Variants in GOLGA5 observed in about 807,000 individuals in gnomAD.
GOLGA5 encodes the protein golgin A5, also known as golgin subfamily A member 5.
GOLGA5 carries 50 observed loss-of-function variants against 93.5 expected under a neutral mutation model. The observed-to-expected ratio is 0.53, with a 90% CI of 0.43 to 0.68. The LOEUF is 0.68. Among genes scored for constraint, GOLGA5 ranks in the 30% least tolerant of loss-of-function variants. The probability of loss-of-function intolerance (pLI) is 0.00; values close to 1 mark genes in which losing one functional copy is unlikely to be tolerated. For synonymous variants in GOLGA5, 312 were observed against 304.5 expected (o/e 1.02, Z -0.26); for missense variants, 760 against 856.4 (o/e 0.89, Z 1.40).
chr14:92,817,763 C>G (rs537234049), intron 7 of GOLGA5, among the ~76,000 whole-genome samples: 1 of 152,288 alleles, frequency 6.6e-6, no homozygotes, highest in African/African-American at 2.4e-5. Context: ...TTGTCTAGAG[C>G]ATAGACTTGA....
chr14:92,801,420 A>G (rs920186320), intron 2 of GOLGA5, among the ~76,000 whole-genome samples: 2 of 152,184 alleles, frequency 1.3e-5, no homozygotes, highest in African/African-American at 2.4e-5. Context: ...ATATTTGACT[A>G]TTGAACTTTC....
intron 11 of GOLGA5, among the ~76,000 whole-genome samples, chr14:92,837,086 T>G (rs929273870): frequency 6.6e-6 from 1 of 151,120 alleles, no homozygotes; most frequent in Non-Finnish European, 1.5e-5. Flanking sequence ...AAAAAAAAAA[T>G]TAGGGATCAA....
intron 9 of GOLGA5, among the ~76,000 whole-genome samples, chr14:92,826,115 G>T (rs1367755045): frequency 2.6e-5 from 4 of 152,084 alleles, no homozygotes; most frequent in Non-Finnish European, 5.9e-5. Context: ...TGATCACCCC[G>T]CTGTACTCTA....
chr14:92,796,344 A>G (rs1261341442), intron 1 of GOLGA5, among the ~76,000 whole-genome samples: 1 of 152,188 alleles, frequency 6.6e-6, no homozygotes, highest in African/African-American at 2.4e-5. Flanking sequence ...TGGCTGGGCC[A>G]ACAGAAATTT....
At chr14:92,805,209 C>G (rs906714738) in intron 2 of GOLGA5, among the ~76,000 whole-genome samples, 3 of 152,136 alleles carry the variant, frequency 2.0e-5, no homozygotes, top group Admixed American at 2.0e-4. Context: ...TCTGATTTTT[C>G]TCTCCTTAGT....
intron 9 of GOLGA5, among the ~76,000 whole-genome samples, chr14:92,831,214 A>C (rs184851264): frequency 1.3e-5 from 2 of 152,196 alleles, no homozygotes; most frequent in Admixed American, 6.5e-5. Flanking sequence ...GCTGTTTCTG[A>C]TAAGGCTAAC....
At chr14:92,811,016 A>G (rs1041150307) in intron 5 of GOLGA5, among the ~76,000 whole-genome samples, 1 of 152,282 alleles carries the variant, frequency 6.6e-6, no homozygotes, top group Admixed American at 6.5e-5. Flanking sequence ...GAAAGTAAAT[A>G]TCAGGTAGTG....
In GOLGA5 at chr14:92,825,044, G is replaced by A. The variant is rs554830153; in HGVS notation, c.1719+400G>A. Among the ~76,000 whole-genome samples the A allele has an allele frequency of 8.6e-5, 13 of 151,876 alleles. No individual in the cohort carries two copies. The South Asian group carries it at 1.3e-3, about 15-fold the overall frequency. ...AAGTCACCAAGATATTTTTTTAACC[G>A]TGAAAATGTAAAATGTACAGAAAAT... On this transcript the variant is annotated intron_variant, in intron 9 of 12. Transcript: ENST00000163416.
intron 8 of GOLGA5, 63 bp downstream of exon 8, chr14:92,819,899 C>G: frequency 6.5e-7 from 1 of 1,529,130 alleles, no homozygotes; most frequent in Middle Eastern, 1.7e-4. Flanking sequence ...GAGCAGACCT[C>G]CCAGGAAAGC....
chr14:92,819,444 T>C (rs966492680), intron 7 of GOLGA5, among the ~76,000 whole-genome samples: 1 of 144,418 alleles, frequency 6.9e-6, no homozygotes, highest in East Asian at 2.0e-4. Context: ...GCCTGTGCAA[T>C]AAAGCCATAT....
intron 1 of GOLGA5, 39 bp from the exon 2 acceptor site, chr14:92,797,369 C>A: frequency 8.6e-7 from 1 of 1,167,552 alleles, no homozygotes; most frequent in Non-Finnish European, 1.2e-6. Flanking sequence ...TCATACTCTG[C>A]CACTATGCCA....
At chr14:92,799,479 G>A (rs900191114) in intron 2 of GOLGA5, among the ~76,000 whole-genome samples, 5 of 145,622 alleles carry the variant, frequency 3.4e-5, no homozygotes, top group African/African-American at 1.3e-4. Context: ...GTAGAGACAG[G>A]GTTTCACTGT....
At chr14:92,816,923 C>G (rs1348595142) in intron 7 of GOLGA5, among the ~76,000 whole-genome samples, 1 of 149,868 alleles carries the variant, frequency 6.7e-6, no homozygotes, top group Non-Finnish European at 1.5e-5. Context: ...TTCTTTCCTT[C>G]CTTTCTTTCC....
intron 6 of GOLGA5, among the ~76,000 whole-genome samples, chr14:92,812,759 G>T (rs950459782): frequency 6.6e-6 from 1 of 151,848 alleles, no homozygotes; most frequent in African/African-American, 2.4e-5. Context: ...CTCTCTTTTT[G>T]TCCTCTTCTA....
At chr14:92,798,154 C>G (rs991197866) in intron 2 of GOLGA5, among the ~76,000 whole-genome samples, 173 bp downstream of exon 2, 1 of 152,122 alleles carries the variant, frequency 6.6e-6, no homozygotes, top group African/African-American at 2.4e-5. Context: ...TACTATTAGT[C>G]AATAGACAGT....
At chr14:92,832,879 A>G (rs1052605860) in intron 9 of GOLGA5, among the ~76,000 whole-genome samples, 4 of 152,186 alleles carry the variant, frequency 2.6e-5, no homozygotes, top group Admixed American at 6.5e-5. Context: ...TATATATACT[A>G]TATGTTACAT....
intron 9 of GOLGA5, among the ~76,000 whole-genome samples, chr14:92,830,645 G>C (rs746988662): frequency 3.2e-4 from 49 of 152,204 alleles, no homozygotes; most frequent in Non-Finnish European, 6.2e-4. Context: ...TGTCACCCGG[G>C]CTGGAGTGCA....
At chr14:92,828,753 C>T (rs989731504) in intron 9 of GOLGA5, among the ~76,000 whole-genome samples, 1 of 152,192 alleles carries the variant, frequency 6.6e-6, no homozygotes, top group African/African-American at 2.4e-5. Context: ...ACTGCAACCT[C>T]TGCCTCTTGG....
intron 9 of GOLGA5, among the ~76,000 whole-genome samples, chr14:92,827,835 G>A (rs758705734): frequency 3.3e-5 from 5 of 152,248 alleles, no homozygotes; most frequent in Admixed American, 6.5e-5. Context: ...GAAAGTTTGA[G>A]TGGTCTGGAT....
Sources: gnomAD v4.1 joint callset for allele counts (sites outside exome capture counted in the v4.1 genomes callset) on GRCh38, gnomAD v4.1.1 for gene constraint, MANE v1.5 for transcripts, NCBI Gene and HGNC (gene_info 2026-07-23, HGNC 2026-07-21) for gene names.